The following LRRIQ1 variants were observed in gnomAD, a reference collection of about 807,000 sequenced individuals.
LRRIQ1 encodes leucine-rich repeat- and IQ domain-containing protein 1.
A neutral mutation model predicts 211.9 loss-of-function variants in LRRIQ1; 210 were observed. The observed-to-expected ratio is 0.99, with a 90% CI of 0.89 to 1.11. The LOEUF (loss-of-function observed/expected upper bound fraction) is 1.11, where lower values mean the gene tolerates loss of function less well. Ranked by LOEUF, LRRIQ1 falls within the 50% of genes most tolerant of loss-of-function variation. The pLI is 0.00. For missense variants in LRRIQ1, 2,136 were observed against 1,939.5 expected (o/e 1.10, Z -1.90); for synonymous variants, 699 against 650.1 (o/e 1.08, Z -1.14).
intron 11 of LRRIQ1, among the ~76,000 whole-genome samples, chr12:85,087,756 CTG>C (rs1884976745): frequency 6.6e-6 from 1 of 152,174 alleles, no homozygotes; most frequent in African/African-American, 2.4e-5. Flanking sequence ...TGAGAAGTGT[CTG>C]TTCATATCCT....
rs1259140734 is a variant in LRRIQ1 at position 85,162,038 on chromosome 12, CA to C, written c.4822+1336del. On this transcript the variant is annotated intron_variant, in intron 24 of 26. Coordinates refer to ENST00000393217, the MANE Select transcript of LRRIQ1 (RefSeq NM_001079910.2). ...TGGGCGACAGAGCGAGACTCCACCT[CA>C]AAAAAAAAAAATTAATAATAAAAAC... Among the ~76,000 whole-genome samples the C allele has an allele frequency of 1.2e-3, 156 of 128,304 alleles. 1 individual carries two copies. The highest frequency in any genetic ancestry group is 4.3e-3 in the Middle Eastern group (1 of 230). 84.2% of individuals were successfully genotyped at this position (128,304 alleles called of 152,430 possible). A position where few individuals can be genotyped will look rare whatever the true frequency, so the allele number is the denominator to read the frequency against.
chr12:85,097,449 C>G (rs933155458), intron 11 of LRRIQ1, among the ~76,000 whole-genome samples: 2 of 151,558 alleles, frequency 1.3e-5, no homozygotes, highest in African/African-American at 4.9e-5. Context: ...TGATGTTCCC[C>G]CCGCTGTGTC....
chr12:85,057,513 C>T (rs973482547), intron 8 of LRRIQ1, among the ~76,000 whole-genome samples: 1 of 151,980 alleles, frequency 6.6e-6, no homozygotes, highest in Non-Finnish European at 1.5e-5. Flanking sequence ...TAGGAAACTC[C>T]TAAGTAAACA....
chr12:85,189,915 G>T (rs939200466), intron 24 of LRRIQ1, among the ~76,000 whole-genome samples: 1 of 141,470 alleles, frequency 7.1e-6, no homozygotes, highest in Admixed American at 7.3e-5. Flanking sequence ...TGTAACTACA[G>T]TTAATAATAT....
chr12:85,254,294 A>T (rs1896028146), intron 1 of LRRIQ1, among the ~76,000 whole-genome samples: 1 of 152,168 alleles, frequency 6.6e-6, no homozygotes, highest in Admixed American at 6.6e-5. Context: ...GCTTTACAGC[A>T]ATGTGAGAAC....
chr12:85,238,534 C>T (rs774339431), intron 26 of LRRIQ1, among the ~76,000 whole-genome samples: 5 of 151,558 alleles, frequency 3.3e-5, no homozygotes, highest in African/African-American at 1.2e-4. Flanking sequence ...GGTTCACTAT[C>T]GATCACAAAT....
At chr12:85,215,094 C>T (rs1894013653) in intron 24 of LRRIQ1, among the ~76,000 whole-genome samples, 1 of 152,008 alleles carries the variant, frequency 6.6e-6, no homozygotes, top group African/African-American at 2.4e-5. Flanking sequence ...TCATTTGCAA[C>T]CAGAGAAAGG....
chr12:85,053,699 A>C (rs1444161191), intron 7 of LRRIQ1, among the ~76,000 whole-genome samples: 2 of 152,000 alleles, frequency 1.3e-5, no homozygotes, highest in African/African-American at 2.4e-5. Context: ...CATATTTGAA[A>C]ATATTTTGTT....
chr12:85,092,498 T>C (rs1885496421), intron 11 of LRRIQ1, among the ~76,000 whole-genome samples: 1 of 152,130 alleles, frequency 6.6e-6, no homozygotes. Context: ...GAAAGACTCT[T>C]CAAATGATGA....
At chr12:85,230,469 A>G (rs1894878960) in intron 25 of LRRIQ1, among the ~76,000 whole-genome samples, 1 of 152,148 alleles carries the variant, frequency 6.6e-6, no homozygotes, top group Non-Finnish European at 1.5e-5. Context: ...GACACCAGTG[A>G]TATTGGATTA....
At chr12:85,174,540 C>CA (rs112120416) in intron 24 of LRRIQ1, among the ~76,000 whole-genome samples, 3,548 of 134,438 alleles carry the variant, frequency 0.026, 49 homozygotes, top group African/African-American at 0.034. Context: ...ACTAAAAATA[C>CA]AAAAAAAAAA....
intron 24 of LRRIQ1, among the ~76,000 whole-genome samples, chr12:85,197,627 A>G (rs1339709793): frequency 6.6e-6 from 1 of 151,364 alleles, no homozygotes; most frequent in Non-Finnish European, 1.5e-5. Flanking sequence ...GAACTGAACA[A>G]TGAGATCACA....
intron 22 of LRRIQ1, 54 bp downstream of exon 22, chr12:85,153,812 T>G (rs1890385803): frequency 8.7e-7 from 1 of 1,151,750 alleles, no homozygotes; most frequent in Non-Finnish European, 1.2e-6. Flanking sequence ...TTGCTAAAAG[T>G]CCAAGACAGA....
chr12:85,098,544 G>C lies in LRRIQ1; in HGVS notation c.3077G>C (p.Ser1026Thr). ...QILKLQGNYL[S>T]ELPSLENLVL... ...TTGAAGTTACAGGGAAATTATCTGA[G>C]TGAGGTAATTGCTTTGAATTAATTG... is the stretch of plus-strand genomic sequence containing the variant. Residue 1026 changes from serine (S) to threonine (T), a missense_variant, in exon 12 of 27, where the codon AGT becomes ACT. Ser to Thr is a moderately conservative substitution (Grantham distance 58). Transcript: ENST00000393217. 1 of 1,603,584 alleles carries C rather than the reference G, an allele frequency of 6.2e-7. No individual in the cohort carries two copies. Among genetic ancestry groups the C allele is most frequent in the African/African-American group, 1.3e-5 (1 of 74,768 alleles).
chr12:85,263,137 G>A, exon 2 of LRRIQ1: 4 of 895,550 alleles, frequency 4.5e-6, no homozygotes, highest in Non-Finnish European at 4.0e-6. Flanking sequence ...TTACCAACTG[G>A]ATACAAGGTT....
At chr12:85,060,496 G>A (rs1054588128) in intron 8 of LRRIQ1, among the ~76,000 whole-genome samples, 13 of 151,700 alleles carry the variant, frequency 8.6e-5, no homozygotes, top group Admixed American at 3.3e-4. Context: ...ATACCATAAC[G>A]TGAATAATAA....
At chr12:85,262,287 A>G (rs1430941180) in intron 1 of LRRIQ1, among the ~76,000 whole-genome samples, 1 of 152,058 alleles carries the variant, frequency 6.6e-6, no homozygotes, top group Non-Finnish European at 1.5e-5. Context: ...CTTACAACAT[A>G]ATCAGAAAGG....
In LRRIQ1 at chr12:85,192,486, TATATA is replaced by T. The variant is rs1432244250; in HGVS notation, c.4822+31780_4822+31784del. Among the ~76,000 whole-genome samples the T allele has an allele frequency of 6.3e-5, 8 of 126,648 alleles. 1 individual carries two copies. The highest frequency in any genetic ancestry group is 9.7e-5 in the Admixed American group (1 of 10,314). 83.1% of individuals were successfully genotyped at this position (126,648 alleles called of 152,430 possible). A position where few individuals can be genotyped will look rare whatever the true frequency, so the allele number is the denominator to read the frequency against. ...ATAATTATATATAAATATATATAGT[TATATA>T]ATATAATTATATATAAATATATATA... On this transcript the variant is annotated intron_variant, in intron 24 of 26. Coordinates refer to ENST00000393217, the MANE Select transcript of LRRIQ1 (RefSeq NM_001079910.2).
chr12:85,117,732 A>G (rs905072614), intron 15 of LRRIQ1, among the ~76,000 whole-genome samples: 2 of 152,226 alleles, frequency 1.3e-5, no homozygotes, highest in Non-Finnish European at 2.9e-5. Context: ...GAATCAGAGT[A>G]TCTTCTTTTT....
Sources: gnomAD v4.1 joint callset for allele counts (sites outside exome capture counted in the v4.1 genomes callset) on GRCh38, gnomAD v4.1.1 for gene constraint, MANE v1.5 for transcripts, NCBI Gene and HGNC (gene_info 2026-07-23, HGNC 2026-07-21) for gene names.